Variants in TAFA1 observed in about 807,000 individuals in gnomAD.
TAFA1 encodes the protein TAFA chemokine like family member 1.
Under a neutral mutation model 18.5 loss-of-function variants are expected in TAFA1, and 4 were observed. That is an observed-to-expected ratio of 0.22 (90% CI 0.11 to 0.49). TAFA1 has a LOEUF of 0.49. Ranked by LOEUF, TAFA1 falls within the 20% of genes least tolerant of loss-of-function variation. The pLI is 0.98. For missense variants in TAFA1, 147 were observed against 169.0 expected, an observed-to-expected ratio of 0.87 and a Z score of 0.72; for synonymous variants, 56 against 55.2, an observed-to-expected ratio of 1.01 and a Z score of -0.06.
intron 2 of TAFA1, among the ~76,000 whole-genome samples, chr3:68,283,823 C>A (rs1471467367): frequency 6.6e-6 from 1 of 152,158 alleles, no homozygotes; most frequent in African/African-American, 2.4e-5. Context: ...CCTCAGCTTC[C>A]TTTTATACAT....
At chr3:68,268,201 G>A (rs909495040) in intron 2 of TAFA1, among the ~76,000 whole-genome samples, 4 of 152,094 alleles carry the variant, frequency 2.6e-5, no homozygotes, top group Admixed American at 6.6e-5. Context: ...ATTCTGAAAG[G>A]ATGACCAAAG....
intron 2 of TAFA1, among the ~76,000 whole-genome samples, chr3:68,200,444 G>A (rs1040049423): frequency 1.6e-4 from 25 of 151,548 alleles, no homozygotes; most frequent in Admixed American, 9.9e-4. Context: ...AGAATTCACC[G>A]GTGAACCCAT....
intron 2 of TAFA1, among the ~76,000 whole-genome samples, chr3:68,331,467 A>T (rs1468891565): frequency 6.6e-6 from 1 of 152,248 alleles, no homozygotes; most frequent in Non-Finnish European, 1.5e-5. Flanking sequence ...GATACTTGAA[A>T]AATATTTAAT....
At chr3:68,379,870 C>T (rs1485923217) in intron 2 of TAFA1, among the ~76,000 whole-genome samples, 2 of 151,838 alleles carry the variant, frequency 1.3e-5, no homozygotes, top group African/African-American at 2.4e-5. Flanking sequence ...CACCCATTAA[C>T]TCCTCATTTA....
chr3:68,186,457 C>A (rs1443179712), intron 2 of TAFA1, among the ~76,000 whole-genome samples: 1 of 152,046 alleles, frequency 6.6e-6, no homozygotes, highest in Non-Finnish European at 1.5e-5. Flanking sequence ...AATAATAGAT[C>A]ATTGAATGAA....
intron 2 of TAFA1, among the ~76,000 whole-genome samples, chr3:68,337,314 G>T (rs184236655): frequency 4.3e-4 from 66 of 152,116 alleles, no homozygotes; most frequent in African/African-American, 1.6e-3. Context: ...GGGAGCGGGG[G>T]TGGTGCCACA....
At chr3:68,132,107 A>G (rs904518499) in intron 2 of TAFA1, among the ~76,000 whole-genome samples, 3 of 151,826 alleles carry the variant, frequency 2.0e-5, no homozygotes, top group Admixed American at 6.6e-5. Context: ...TTCACCTTCC[A>G]CTTATGAGTG....
intron 2 of TAFA1, among the ~76,000 whole-genome samples, chr3:68,259,676 G>C (rs2067371554): frequency 6.6e-6 from 1 of 152,070 alleles, no homozygotes; most frequent in Non-Finnish European, 1.5e-5. Context: ...TGGATTCCTA[G>C]GTATTTTGTT....
intron 2 of TAFA1, among the ~76,000 whole-genome samples, chr3:68,104,485 C>T (rs1559521592): frequency 1.3e-5 from 2 of 151,648 alleles, no homozygotes; most frequent in Non-Finnish European, 2.9e-5. Context: ...TATATATAGT[C>T]TGCTTTAAAT....
intron 2 of TAFA1, among the ~76,000 whole-genome samples, chr3:68,276,006 C>T (rs941917851): frequency 6.6e-5 from 10 of 152,028 alleles, no homozygotes; most frequent in Non-Finnish European, 8.8e-5. Flanking sequence ...TGTCTAGTAC[C>T]TGTTAGACTC....
chr3:68,120,437 T>G (rs1409366564), intron 2 of TAFA1, among the ~76,000 whole-genome samples: 1 of 151,994 alleles, frequency 6.6e-6, no homozygotes, highest in Non-Finnish European at 1.5e-5. Flanking sequence ...TTAGTAGAGA[T>G]GGAGTTTTGC....
At chr3:68,187,288 C>T (rs1174901053) in intron 2 of TAFA1, among the ~76,000 whole-genome samples, 1 of 151,912 alleles carries the variant, frequency 6.6e-6, no homozygotes, top group Non-Finnish European at 1.5e-5. Context: ...TAATGTATTA[C>T]TTAATGGATT....
intron 2 of TAFA1, among the ~76,000 whole-genome samples, chr3:68,059,238 GCACTAATCACA>G (rs1392940800): frequency 6.6e-6 from 1 of 151,962 alleles, no homozygotes; most frequent in African/African-American, 2.4e-5. Flanking sequence ...GCCAGGCACA[GCACTAATCACA>G]CACTAATCAC....
In TAFA1 at chr3:68,213,033, T is replaced by C. The variant is rs528289569; in HGVS notation, c.119-204247T>C. Reference sequence around the variant, plus strand: ...TACAAATGGTGGTATTTTTTTTTTTTTAATCATTTTAGAGAGAGTAAAAAC... The same window carrying C: ...TACAAATGGTGGTATTTTTTTTTTTCTAATCATTTTAGAGAGAGTAAAAAC... On this transcript the variant is annotated intron_variant, in intron 2 of 4. Coordinates refer to ENST00000478136, the MANE Select transcript of TAFA1 (RefSeq NM_213609.4). Among the ~76,000 whole-genome samples the C allele has an allele frequency of 3.3e-3, 496 of 152,062 alleles. 1 individual carries two copies. The highest frequency in any genetic ancestry group is 6.2e-3 in the Non-Finnish European group (420 of 67,934).
chr3:68,426,217 T>C (rs2071050253), intron 3 of TAFA1, among the ~76,000 whole-genome samples: 1 of 151,848 alleles, frequency 6.6e-6, no homozygotes, highest in Non-Finnish European at 1.5e-5. Flanking sequence ...ACAAAAGAAA[T>C]GTATCTGTAT....
At chr3:68,241,565 T>C (rs1161800677) in intron 2 of TAFA1, among the ~76,000 whole-genome samples, 1 of 152,158 alleles carries the variant, frequency 6.6e-6, no homozygotes, top group East Asian at 1.9e-4. Context: ...TAAGTGTGCT[T>C]TTCCTAGGCT....
chr3:68,293,242 T>G (rs1331103267), intron 2 of TAFA1, among the ~76,000 whole-genome samples: 1 of 152,180 alleles, frequency 6.6e-6, no homozygotes, highest in African/African-American at 2.4e-5. Flanking sequence ...AGCATCAGGA[T>G]CTTCACATGC....
chr3:68,006,220 G>C (rs995141048), intron 1 of TAFA1: 7 of 162,578 alleles, frequency 4.3e-5, no homozygotes, highest in South Asian at 1.7e-4. Context: ...TTTCCTTCCA[G>C]GCTTATGTCA....
At chr3:68,414,405 T>C (rs1267303298) in intron 2 of TAFA1, among the ~76,000 whole-genome samples, 1 of 152,100 alleles carries the variant, frequency 6.6e-6, no homozygotes, top group Non-Finnish European at 1.5e-5. Flanking sequence ...CTAAGCCAAG[T>C]GTCAAACATT....
Sources: gnomAD v4.1 joint callset for allele counts (sites outside exome capture counted in the v4.1 genomes callset) on GRCh38, gnomAD v4.1.1 for gene constraint, MANE v1.5 for transcripts, NCBI Gene and HGNC (gene_info 2026-07-23, HGNC 2026-07-21) for gene names.